MORC4: variants seen among roughly 807,000 people sequenced by gnomAD.
MORC4 encodes MORC family CW-type zinc finger 4.
In MORC4, 22 loss-of-function variants were observed where a neutral mutation model predicts 65.5. The observed-to-expected ratio is 0.34, with a 90% CI of 0.24 to 0.48. The LOEUF is 0.48. Among genes scored for constraint, MORC4 ranks in the 20% least tolerant of loss-of-function variants. The probability of loss-of-function intolerance (pLI) is 0.99; values close to 1 mark genes in which losing one functional copy is unlikely to be tolerated. For synonymous variants in MORC4, 267 were observed against 255.8 expected (o/e 1.04, Z -0.42); for missense variants, 624 against 703.0 (o/e 0.89, Z 1.27).
chrX:106,954,002 A>AAT (rs1367497408), intron 14 of MORC4, among the ~76,000 whole-genome samples: 1 of 112,509 alleles, frequency 8.9e-6, no homozygotes, highest in Non-Finnish European at 1.9e-5. Flanking sequence ...GCATGCCTGT[A>AAT]ATCCTAGCTA....
Position 107,000,090 on chromosome X carries a change from G to A in MORC4, c.-121C>T. 4.9e-6 allele frequency: 1 copy of A among 205,907 alleles called. No homozygotes were observed. Among genetic ancestry groups the A allele is most frequent in the Non-Finnish European group, 8.4e-6 (1 of 119,239 alleles). The allele number at this position is 205,907 out of a possible 1,213,427, so 17.0% of individuals were successfully genotyped here. On this transcript the variant is annotated 5_prime_UTR_variant, in exon 1 of 17. Coordinates refer to ENST00000355610, the MANE Select transcript of MORC4 (RefSeq NM_024657.5). The stretch of plus-strand genomic sequence containing the variant: ...GACCGTCCGGGACCGGCCCTCCCTC[G>A]CTCCCACTCGCAGCTGGCGGAGGCG...
intron 13 of MORC4, among the ~76,000 whole-genome samples, chrX:106,955,518 TACACACACAC>T (rs10610713): frequency 1.9e-5 from 2 of 103,894 alleles, no homozygotes; most frequent in East Asian, 3.1e-4. Flanking sequence ...ATATTCATAG[TACACACACAC>T]ACACACACAC....
intron 7 of MORC4, 44 bp from the exon 8 acceptor site, chrX:106,978,243 A>G (rs1420895340): frequency 6.0e-6 from 7 of 1,161,659 alleles, no homozygotes; most frequent in Non-Finnish European, 8.0e-6. Context: ...CAGGGGCTTC[A>G]ACGACAAAAT....
chrX:106,987,866 G>GGA (rs1555989487), intron 3 of MORC4, among the ~76,000 whole-genome samples: 2 of 100,909 alleles, frequency 2.0e-5, no homozygotes, highest in Non-Finnish European at 4.0e-5. Flanking sequence ...AGTCCTTTGG[G>GGA]AAAAAAAAAA....
intron 3 of MORC4, among the ~76,000 whole-genome samples, chrX:106,991,660 T>C (rs925326546): frequency 6.3e-5 from 7 of 111,876 alleles, no homozygotes; most frequent in African/African-American, 2.0e-4. Context: ...CCCAGCACTT[T>C]GGGAGGCTGA....
At position 106,966,501 on chromosome X, in the gene MORC4, C is replaced by G. The variant is rs750731962; in HGVS notation, c.1158-4391G>C. The stretch of plus-strand genomic sequence containing the variant: ...CGGGGCATCACCTCACGGGGAAACG[C>G]AAGAGGTCAGGGGATTTCCCTTTCC... On this transcript the variant is annotated intron_variant, in intron 9 of 16. Transcript: ENST00000355610. 3.5e-5 allele frequency among the ~76,000 whole-genome samples: 4 copies of G among 112,732 alleles called. No homozygotes were observed. In the South Asian group the frequency reaches 1.5e-3, roughly 41 times the overall value.
intron 10 of MORC4, among the ~76,000 whole-genome samples, chrX:106,960,559 T>C (rs1602484780): frequency 8.9e-6 from 1 of 111,923 alleles, no homozygotes; most frequent in Non-Finnish European, 1.9e-5. Flanking sequence ...GAAGTAATAA[T>C]AATATCTAAC....
chrX:106,953,730 ACAAAC>A (rs1327926262), intron 14 of MORC4, among the ~76,000 whole-genome samples: 1 of 111,457 alleles, frequency 9.0e-6, no homozygotes, highest in Non-Finnish European at 1.9e-5. Flanking sequence ...ACAGAGAAAA[ACAAAC>A]CAACCAACCA....
chrX:106,983,002 T>C (rs1030861532), intron 5 of MORC4, among the ~76,000 whole-genome samples: 2 of 111,599 alleles, frequency 1.8e-5, no homozygotes, highest in Non-Finnish European at 3.8e-5. Context: ...TTTTGGATCC[T>C]TTTGGATTTT....
chrX:106,996,593 A>G (rs1180056743), intron 2 of MORC4, among the ~76,000 whole-genome samples: 1 of 111,136 alleles, frequency 9.0e-6, no homozygotes, highest in Non-Finnish European at 1.9e-5. Context: ...ATCCCAGAAA[A>G]TCTATCTTCT....
intron 3 of MORC4, among the ~76,000 whole-genome samples, chrX:106,990,841 C>T (rs1226467075): frequency 9.0e-6 from 1 of 110,926 alleles, no homozygotes; most frequent in Non-Finnish European, 1.9e-5. Context: ...CATTGCACTC[C>T]AGCCTGAGGG....
chrX:106,975,848 T>C (rs1209372022), intron 9 of MORC4, among the ~76,000 whole-genome samples: 1 of 111,029 alleles, frequency 9.0e-6, no homozygotes, highest in African/African-American at 3.3e-5. Flanking sequence ...TCTCCCCACT[T>C]TGCACATACC....
At chrX:106,969,549 G>A (rs7888989) in intron 9 of MORC4, among the ~76,000 whole-genome samples, 6,870 of 111,206 alleles carry the variant, frequency 0.062, 578 homozygotes, top group African/African-American at 0.21. Flanking sequence ...CTGATTTTTC[G>A]AAAAGAGCAA....
intron 14 of MORC4, among the ~76,000 whole-genome samples, chrX:106,947,573 A>ATATATATATATATATAATATATATATAT (rs1933870065): frequency 4.8e-4 from 35 of 72,530 alleles, no homozygotes; most frequent in African/African-American, 2.7e-3. Context: ...TATATATATT[A>ATATATATATATATATAATATATATATAT]TATATATATA....
At position 106,978,620 on chromosome X, in the gene MORC4, G is replaced by GCA. The variant is rs376470714; in HGVS notation, c.937-423_937-422dup. Among the ~76,000 whole-genome samples the GCA allele has an allele frequency of 8.9e-3, 912 of 101,952 alleles. 9 individuals are homozygous for GCA. The highest frequency in any genetic ancestry group is 0.014 in the East Asian group (46 of 3,323). The allele number at this position is 101,952 out of a possible 115,157, so 88.5% of individuals were successfully genotyped here. ...TTATAAAAACATCACACACACACACGCACACACACACACACACACACATGC... is the reference window on the plus strand; with the variant it reads ...TTATAAAAACATCACACACACACACGCACACACACACACACACACACACATGC... On this transcript the variant is annotated intron_variant, in intron 7 of 16. Coordinates refer to ENST00000355610, the MANE Select transcript of MORC4 (RefSeq NM_024657.5).
At chrX:106,976,233 TCA>T (rs1934622148) in intron 9 of MORC4, among the ~76,000 whole-genome samples, 1 of 111,711 alleles carries the variant, frequency 9.0e-6, no homozygotes, top group African/African-American at 3.2e-5. Context: ...GGAACAAATT[TCA>T]AACTGCTTTT....
chrX:106,950,647 T>C (rs1403422593), intron 14 of MORC4, among the ~76,000 whole-genome samples: 2 of 111,950 alleles, frequency 1.8e-5, no homozygotes, highest in African/African-American at 6.5e-5. Context: ...GAGGGCTTTG[T>C]TGGGGAAGAG....
At chrX:106,949,280 CTACTT>C (rs964783276) in intron 14 of MORC4, among the ~76,000 whole-genome samples, 8 of 111,643 alleles carry the variant, frequency 7.2e-5, no homozygotes, top group African/African-American at 2.0e-4. Context: ...TTAATATTCT[CTACTT>C]TAATTCTTTA....
intron 14 of MORC4, among the ~76,000 whole-genome samples, chrX:106,944,233 A>G (rs954083689): frequency 1.8e-5 from 2 of 112,151 alleles, no homozygotes; most frequent in Non-Finnish European, 3.8e-5. Context: ...TATGTTCTTC[A>G]GAAATACAAC....
Sources: allele counts gnomAD v4.1 joint callset (sites outside exome capture counted in the v4.1 genomes callset), GRCh38; gene constraint gnomAD v4.1.1; transcripts MANE v1.5; gene names NCBI Gene and HGNC (gene_info 2026-07-23, HGNC 2026-07-21).